Variants in TYW1B observed in about 807,000 individuals in gnomAD.
TYW1B encodes S-adenosyl-L-methionine-dependent tRNA 4-demethylwyosine synthase TYW1B.
A neutral mutation model predicts 86.9 loss-of-function variants in TYW1B; 73 were observed. The ratio of observed to expected loss-of-function variants is 0.84; its 90% CI spans 0.70 to 1.02. The LOEUF (loss-of-function observed/expected upper bound fraction) is 1.02, where lower values mean the gene tolerates loss of function less well. Ranked by LOEUF, TYW1B falls within the 50% of genes least tolerant of loss-of-function variation. TYW1B has a pLI of 0.00. For synonymous variants in TYW1B, 248 were observed against 292.8 expected, an observed-to-expected ratio of 0.85 and a Z score of 1.56; for missense variants, 637 against 827.4, an observed-to-expected ratio of 0.77 and a Z score of 2.82.
At chr7:72,600,851 G>T (rs4473912) in intron 13 of TYW1B, among the ~76,000 whole-genome samples, 23,245 of 151,776 alleles carry the variant, frequency 0.15, 2,425 homozygotes, top group East Asian at 0.56. Flanking sequence ...GACAGAGAGA[G>T]ACCTTGTCTC....
intron 13 of TYW1B, among the ~76,000 whole-genome samples, chr7:72,578,709 A>G (rs1372533606): frequency 2.6e-5 from 4 of 152,196 alleles, no homozygotes; most frequent in African/African-American, 9.6e-5. Context: ...GCCCAGTTAC[A>G]TACATTTAGA....
At chr7:72,640,652 G>A (rs1258063619) in intron 11 of TYW1B, among the ~76,000 whole-genome samples, 1 of 151,966 alleles carries the variant, frequency 6.6e-6, no homozygotes, top group African/African-American at 2.4e-5. Context: ...CAATATACTA[G>A]TACCTAACAA....
At chr7:72,628,205 C>T (rs1554439216) in intron 12 of TYW1B, among the ~76,000 whole-genome samples, 1 of 152,168 alleles carries the variant, frequency 6.6e-6, no homozygotes, top group African/African-American at 2.4e-5. Context: ...ACTGCTGGAG[C>T]CCAAGAGTTG....
chr7:72,683,955 G>C (rs1813944920), intron 11 of TYW1B, among the ~76,000 whole-genome samples: 3 of 152,126 alleles, frequency 2.0e-5, no homozygotes, highest in African/African-American at 7.2e-5. Flanking sequence ...ATGAAGAATG[G>C]CCTTGAGACT....
chr7:72,664,489 C>T (rs1328199096), intron 11 of TYW1B, among the ~76,000 whole-genome samples: 1 of 152,042 alleles, frequency 6.6e-6, no homozygotes, highest in Non-Finnish European at 1.5e-5. Flanking sequence ...CCTTAGCAAA[C>T]TAACACAGGA....
At chr7:72,607,393 C>CAAAAAAAAAAAAA (rs57281644) in intron 13 of TYW1B, among the ~76,000 whole-genome samples, 54 of 76,008 alleles carry the variant, frequency 7.1e-4, no homozygotes, top group Middle Eastern at 7.1e-3. Context: ...TTCTGTCTCT[C>CAAAAAAAAAAAAA]AAAAAAAAAA....
In TYW1B at chr7:72,575,653, A is replaced by G. The variant is rs782030228; in HGVS notation, c.1852T>C (p.Tyr618His). The G allele has an allele frequency of 6.2e-7, 1 of 1,613,548 alleles. No homozygotes were observed. The highest frequency in any genetic ancestry group is 1.3e-5 in the African/African-American group (1 of 74,836). The change falls in exon 14 of 14, where the codon TAT (tyrosine) becomes CAT (histidine). Residue 618 changes from tyrosine (Y) to histidine (H), a missense_variant. Transcript: ENST00000620995. ...YNRFQELIQE[Y>H]EDSGGSKTFS... The stretch of plus-strand genomic sequence containing the variant: ...GTTTTTGATCCACCACTATCTTCAT[A>G]TTCCTGGATGAGCTCCTGGAAGCGG...
intron 13 of TYW1B, among the ~76,000 whole-genome samples, chr7:72,615,633 T>C (rs1431776469): frequency 1.3e-5 from 2 of 152,152 alleles, no homozygotes; most frequent in Non-Finnish European, 2.9e-5. Flanking sequence ...ACAGGAACTT[T>C]AGTCATTGGA....
At position 72,652,335 on chromosome 7, in the gene TYW1B, A is replaced by C. The variant is rs556624335; in HGVS notation, c.1507-23338T>G. ...ACAGCTTGCAGTGAGCCGAGATTGC[A>C]CCACTGCACTCCAGCCTGGGCGACA... On this transcript the variant is annotated intron_variant, in intron 11 of 13. Transcript: ENST00000620995. 4.9e-4 allele frequency among the ~76,000 whole-genome samples: 62 copies of C among 127,602 alleles called. No individual in the cohort carries two copies. In the South Asian group the frequency reaches 7.5e-3, roughly 15 times the overall value. The allele number at this position is 127,602 out of a possible 152,430, so 83.7% of individuals were successfully genotyped here. A position where few individuals can be genotyped will look rare whatever the true frequency, so the allele number is the denominator to read the frequency against.
At chr7:72,760,528 C>G (rs917200674) in intron 7 of TYW1B, among the ~76,000 whole-genome samples, 1 of 152,062 alleles carries the variant, frequency 6.6e-6, no homozygotes, top group African/African-American at 2.4e-5. Flanking sequence ...TGTGTTTATA[C>G]GTATGCACAT....
At chr7:72,626,300 G>T (rs1381761443) in intron 12 of TYW1B, among the ~76,000 whole-genome samples, 1 of 150,532 alleles carries the variant, frequency 6.6e-6, no homozygotes, top group Admixed American at 6.6e-5. Flanking sequence ...CACAGACAGG[G>T]TTCAGTTTCA....
chr7:72,713,413 A>T (rs1467277228), intron 10 of TYW1B, among the ~76,000 whole-genome samples: 1 of 151,584 alleles, frequency 6.6e-6, no homozygotes, highest in African/African-American at 2.4e-5. Context: ...CCCTAGCGAC[A>T]TATCTGTGCC....
rs1331734115 is a variant in TYW1B, at chr7:72,575,353, CG to C, written c.*144del. ...CCCTCTGAGTGTGGACGCTGTCCCCCGTGTCTCCATGTTTACTGCCTTATCG... is the reference window on the plus strand; with the variant it reads ...CCCTCTGAGTGTGGACGCTGTCCCCCTGTCTCCATGTTTACTGCCTTATCG... On this transcript the variant is annotated 3_prime_UTR_variant, in exon 14 of 14. Coordinates refer to ENST00000620995, the MANE Select transcript of TYW1B (RefSeq NM_001145440.3). 6.9e-7 allele frequency: 1 copy of C among 1,446,978 alleles called. No homozygotes were observed. Among genetic ancestry groups the C allele is most frequent in the African/African-American group, 1.4e-5 (1 of 69,610 alleles). 89.6% of individuals were successfully genotyped at this position (1,446,978 alleles called of 1,614,324 possible). A position where few individuals can be genotyped will look rare whatever the true frequency, so the allele number is the denominator to read the frequency against.
chr7:72,611,167 A>G (rs3015904), intron 13 of TYW1B, among the ~76,000 whole-genome samples: 25,129 of 152,006 alleles, frequency 0.17, 2,627 homozygotes, highest in East Asian at 0.55. Flanking sequence ...CTCCTCTGTG[A>G]AGCCTCTCCT....
At chr7:72,653,128 T>G (rs1414893488) in intron 11 of TYW1B, among the ~76,000 whole-genome samples, 2 of 152,054 alleles carry the variant, frequency 1.3e-5, no homozygotes, top group Non-Finnish European at 2.9e-5. Flanking sequence ...CAATTTAAGC[T>G]AAAGCGAGCA....
At chr7:72,642,165 GT>G in intron 11 of TYW1B, among the ~76,000 whole-genome samples, 1 of 152,274 alleles carries the variant, frequency 6.6e-6, no homozygotes, top group East Asian at 1.9e-4. Flanking sequence ...GAGACAACTA[GT>G]TATTCACAGG....
At chr7:72,793,090 G>A (rs1788247071) in intron 6 of TYW1B, among the ~76,000 whole-genome samples, 1 of 152,126 alleles carries the variant, frequency 6.6e-6, no homozygotes, top group Admixed American at 6.6e-5. Flanking sequence ...TGTAATCCCA[G>A]CACTTTGGGA....
In TYW1B at chr7:72,684,698, T is replaced by C. The variant is rs376611545; in HGVS notation, c.1506+9989A>G. Among the ~76,000 whole-genome samples the C allele has an allele frequency of 6.6e-5, 10 of 152,172 alleles. No homozygotes were observed. In the East Asian group the frequency reaches 7.7e-4, roughly 12 times the overall value. On this transcript the variant is annotated intron_variant, in intron 11 of 13. Transcript: ENST00000620995. The stretch of plus-strand genomic sequence containing the variant: ...TCTTATTCTTAATTCATCTAACAGA[T>C]AGCAATTTGGCCAAAATAATAAGAT...
intron 10 of TYW1B, among the ~76,000 whole-genome samples, chr7:72,696,277 C>A (rs1252343968): frequency 6.6e-6 from 1 of 152,062 alleles, no homozygotes; most frequent in Non-Finnish European, 1.5e-5. Flanking sequence ...AGCCTCTCCC[C>A]TTCTCTCTTC....
Sources: allele counts gnomAD v4.1 joint callset (sites outside exome capture counted in the v4.1 genomes callset), GRCh38; gene constraint gnomAD v4.1.1; transcripts MANE v1.5; gene names NCBI Gene and HGNC (gene_info 2026-07-23, HGNC 2026-07-21).